Variants in CACNG2 observed in about 807,000 individuals in gnomAD.
CACNG2 encodes the protein calcium voltage-gated channel auxiliary subunit gamma 2, also known as voltage-dependent calcium channel gamma-2 subunit.
A neutral mutation model predicts 25.9 loss-of-function variants in CACNG2; 3 were observed. That is an observed-to-expected ratio of 0.12 (90% CI 0.05 to 0.30). CACNG2 has a LOEUF of 0.30. Ranked by LOEUF, CACNG2 falls within the 10% of genes least tolerant of loss-of-function variation. The pLI, the probability that CACNG2 is intolerant of heterozygous loss-of-function variation, is 1.00. For synonymous variants in CACNG2, 167 were observed against 173.3 expected (o/e 0.96, Z 0.29); for missense variants, 341 against 432.5 (o/e 0.79, Z 1.88).
intron 1 of CACNG2, among the ~76,000 whole-genome samples, chr22:36,696,581 A>G (rs1428744398): frequency 6.6e-6 from 1 of 152,228 alleles, no homozygotes; most frequent in Admixed American, 6.5e-5. Context: ...CTGTGGGCAC[A>G]GCAGTGAGCA....
chr22:36,653,131 GACCAACATGGAGAA>G (rs1936644574), intron 1 of CACNG2, among the ~76,000 whole-genome samples: 1 of 152,184 alleles, frequency 6.6e-6, no homozygotes, highest in Non-Finnish European at 1.5e-5. Context: ...AGACCAGCCT[GACCAACATGGAGAA>G]ACCTCGTCTC....
rs1936356625 is a variant in CACNG2, at chr22:36,636,307, C to T, written c.212-48759G>A. ...TTTACAAGCCCGTTCCTTCCCCAAC[C>T]CCCAAATGCGCCAGTGCCAGCTTCA... On this transcript the variant is annotated intron_variant, in intron 1 of 3. Coordinates refer to ENST00000300105, the MANE Select transcript of CACNG2 (RefSeq NM_006078.5). Among the ~76,000 whole-genome samples, 4 of 152,152 alleles carry T rather than the reference C, an allele frequency of 2.6e-5. No homozygotes were observed. The South Asian group carries it at 6.2e-4, about 24-fold the overall frequency.
At position 36,702,845 on chromosome 22, in the gene CACNG2, TAA is replaced by T. The variant is rs112941346; in HGVS notation, c.-271_-270del. Reference sequence around the variant, plus strand: ...TGTTCCAGTTGCAGTGTTTTTTTTTTAAAAAGAAAAGGAAAAAAAAAATAAAA... The same window carrying T: ...TGTTCCAGTTGCAGTGTTTTTTTTTTAAAGAAAAGGAAAAAAAAAATAAAA... On this transcript the variant is annotated 5_prime_UTR_variant, in exon 1 of 4. Coordinates refer to ENST00000300105, the MANE Select transcript of CACNG2 (RefSeq NM_006078.5). 394 of 253,258 alleles carry T rather than the reference TAA, an allele frequency of 1.6e-3. No individual in the cohort carries two copies. The highest frequency in any genetic ancestry group is 2.6e-3 in the Admixed American group (48 of 18,244). The allele number at this position is 253,258 out of a possible 1,614,324, so 15.7% of individuals were successfully genotyped here. A position where few individuals can be genotyped will look rare whatever the true frequency, so the allele number is the denominator to read the frequency against.
intron 1 of CACNG2, among the ~76,000 whole-genome samples, chr22:36,628,323 C>A (rs1271723966): frequency 1.3e-5 from 2 of 152,206 alleles, no homozygotes; most frequent in Non-Finnish European, 2.9e-5. Flanking sequence ...TTAATCAACA[C>A]CCTTGCCCAG....
rs147988936 is a variant in CACNG2, at chr22:36,604,713, T to G, written c.212-17165A>C. Among the ~76,000 whole-genome samples the G allele has an allele frequency of 4.4e-4, 67 of 152,350 alleles. 2 individuals carry two copies. In the East Asian group the frequency reaches 9.4e-3, roughly 21 times the overall value. On this transcript the variant is annotated intron_variant, in intron 1 of 3. Transcript: ENST00000300105. ...TTAGCAATAAAATATGTTAAAATTA[T>G]GTATGTACATTGTTTTCTCAGACAT...
intron 1 of CACNG2, among the ~76,000 whole-genome samples, chr22:36,602,279 T>C (rs1935764383): frequency 6.6e-6 from 1 of 152,172 alleles, no homozygotes; most frequent in Non-Finnish European, 1.5e-5. Flanking sequence ...CCTTATCTAA[T>C]ATATGGTTTG....
At chr22:36,593,967 CAGTAAGGGGAGAGTGGTG>C (rs1396241408) in intron 1 of CACNG2, among the ~76,000 whole-genome samples, 5 of 152,044 alleles carry the variant, frequency 3.3e-5, no homozygotes, top group African/African-American at 1.2e-4. Flanking sequence ...GACATCACTC[CAGTAAGGGGAGAGTGGTG>C]AGTGGTGATG....
At chr22:36,692,237 C>T (rs1203919442) in intron 1 of CACNG2, among the ~76,000 whole-genome samples, 1 of 152,176 alleles carries the variant, frequency 6.6e-6, no homozygotes, top group African/African-American at 2.4e-5. Context: ...AACCATGCAC[C>T]TGGGATCTTG....
intron 1 of CACNG2, among the ~76,000 whole-genome samples, chr22:36,690,838 C>T (rs1294886670): frequency 1.3e-5 from 2 of 152,178 alleles, no homozygotes; most frequent in Non-Finnish European, 2.9e-5. Context: ...AGATGTCAAG[C>T]TTTGTGCTAT....
At chr22:36,589,724 C>T (rs529555685) in intron 1 of CACNG2, among the ~76,000 whole-genome samples, 23 of 152,156 alleles carry the variant, frequency 1.5e-4, no homozygotes, top group African/African-American at 5.5e-4. Context: ...TTTGCTGTCC[C>T]CACCCCCATC....
intron 1 of CACNG2, among the ~76,000 whole-genome samples, chr22:36,659,266 G>C (rs367778951): frequency 2.6e-5 from 4 of 152,086 alleles, no homozygotes; most frequent in Non-Finnish European, 5.9e-5. Flanking sequence ...CACAAGCTCC[G>C]ACCCTACCAA....
intron 1 of CACNG2, among the ~76,000 whole-genome samples, chr22:36,604,198 A>T (rs1163513366): frequency 6.6e-6 from 1 of 152,232 alleles, no homozygotes; most frequent in African/African-American, 2.4e-5. Flanking sequence ...GAAATAGGAA[A>T]ACAGCTAGAA....
chr22:36,589,926 G>A (rs972048879), intron 1 of CACNG2, among the ~76,000 whole-genome samples: 1 of 152,138 alleles, frequency 6.6e-6, no homozygotes, highest in Admixed American at 6.5e-5. Context: ...AAAGCACTTC[G>A]CAAAGCACTC....
At chr22:36,683,920 T>C (rs1207383286) in intron 1 of CACNG2, among the ~76,000 whole-genome samples, 1 of 152,168 alleles carries the variant, frequency 6.6e-6, no homozygotes, top group Non-Finnish European at 1.5e-5. Flanking sequence ...GGTCAAATTG[T>C]AACTAAGAAC....
rs1233598480 is a variant in CACNG2 at position 36,606,616 on chromosome 22, A to G, written c.212-19068T>C. Among the ~76,000 whole-genome samples, 1 of 152,048 alleles carries G rather than the reference A, an allele frequency of 6.6e-6. No homozygotes were observed. The highest frequency in any genetic ancestry group is 1.5e-5 in the Non-Finnish European group (1 of 67,992). ...AAGCACCATCTCGGATGAGCCGTGA[A>G]GGATAAGTAAAAATTGGCAGATGAA... is the stretch of plus-strand genomic sequence containing the variant. On this transcript the variant is annotated intron_variant, in intron 1 of 3. Coordinates refer to ENST00000300105, the MANE Select transcript of CACNG2 (RefSeq NM_006078.5). The surrounding 1 kb of genome is among the most constrained non-coding windows in gnomAD (Gnocchi z 5.7).
Position 36,564,911 on chromosome 22 carries a change from G to T in CACNG2, c.437-25C>A. 1 of 1,601,766 alleles carries T rather than the reference G, an allele frequency of 6.2e-7. No individual in the cohort carries two copies. ...CCTGCGGGGCGCAGGGTGGCGGGGT[G>T]GGGGATCAGAGAGAAGGACGTTAGT... On this transcript the variant is annotated intron_variant, in intron 3 of 3. Coordinates refer to ENST00000300105, the MANE Select transcript of CACNG2 (RefSeq NM_006078.5). This position sits in a 1 kb window ranked among gnomAD's most constrained non-coding sequence, Gnocchi z 6.7.
At chr22:36,597,379 G>T (rs1441907943) in intron 1 of CACNG2, among the ~76,000 whole-genome samples, 1 of 152,176 alleles carries the variant, frequency 6.6e-6, no homozygotes, top group East Asian at 1.9e-4. Context: ...GAGTTAGAAA[G>T]ATTTGGCTTC....
At chr22:36,578,782 C>T (rs1481490768) in intron 2 of CACNG2, among the ~76,000 whole-genome samples, 1 of 152,138 alleles carries the variant, frequency 6.6e-6, no homozygotes, top group Non-Finnish European at 1.5e-5. Context: ...CGGGCGGTAC[C>T]TTGTTTATTC....
In CACNG2 at chr22:36,563,106, T is replaced by C. The variant is rs2145901287; in HGVS notation, c.*1245A>G. Reference sequence around the variant, plus strand: ...CTTATTTTGTATTTACATTTATTTATAGTCTGTGGTTTTTTTATTAAAAAA... The same window carrying C: ...CTTATTTTGTATTTACATTTATTTACAGTCTGTGGTTTTTTTATTAAAAAA... On this transcript the variant is annotated 3_prime_UTR_variant, in exon 4 of 4. Coordinates refer to ENST00000300105, the MANE Select transcript of CACNG2 (RefSeq NM_006078.5). Among the ~76,000 whole-genome samples the C allele has an allele frequency of 6.6e-6, 1 of 152,338 alleles. No homozygotes were observed. Among genetic ancestry groups the C allele is most frequent in the South Asian group, 2.1e-4 (1 of 4,826 alleles).
Sources: allele counts gnomAD v4.1 joint callset (sites outside exome capture counted in the v4.1 genomes callset), GRCh38; gene constraint gnomAD v4.1.1; non-coding constraint Gnocchi (gnomAD v3.1); transcripts MANE v1.5; gene names NCBI Gene and HGNC (gene_info 2026-07-23, HGNC 2026-07-21).